Variants in CALB1 observed in about 807,000 individuals in gnomAD.
The protein encoded by CALB1 is calbindin.
CALB1 carries 16 observed loss-of-function variants against 46.7 expected under a neutral mutation model. The observed-to-expected ratio is 0.34, with a 90% CI of 0.23 to 0.52. The LOEUF is 0.52. CALB1 is among the 20% of genes least tolerant of loss of function. The probability of loss-of-function intolerance (pLI) is 0.95; values close to 1 mark genes in which losing one functional copy is unlikely to be tolerated. For synonymous variants in CALB1, 90 were observed against 112.8 expected, an observed-to-expected ratio of 0.80 and a Z score of 1.28; for missense variants, 224 against 300.3, an observed-to-expected ratio of 0.75 and a Z score of 1.88.
rs1312160832 is a variant in CALB1, at chr8:90,059,511, G to T, written c.*662C>A. The T allele has an allele frequency of 1.3e-5, 2 of 152,226 alleles. No homozygotes were observed. Among genetic ancestry groups the T allele is most frequent in the East Asian group, 3.8e-4 (2 of 5,196 alleles). 9.4% of individuals were successfully genotyped at this position (152,226 alleles called of 1,614,324 possible). ...ATATTCTCTGACAGTAAGTTTGTTG[G>T]AAATACAGGCATAGAATCAGACAGA... On this transcript the variant is annotated 3_prime_UTR_variant, in exon 11 of 11. Transcript: ENST00000265431.
chr8:90,072,025 A>G (rs1010358056), intron 3 of CALB1, among the ~76,000 whole-genome samples: 2 of 152,202 alleles, frequency 1.3e-5, no homozygotes, highest in South Asian at 2.1e-4. Context: ...AAAAACATCT[A>G]CTTAAAAGAA....
intron 5 of CALB1, among the ~76,000 whole-genome samples, chr8:90,066,946 AGTTCTGGGCT>A (rs372483141): frequency 2.8e-4 from 42 of 152,218 alleles, no homozygotes; most frequent in African/African-American, 9.4e-4. Flanking sequence ...TAAATGTTCC[AGTTCTGGGCT>A]GATTTGATGC....
intron 2 of CALB1, among the ~76,000 whole-genome samples, chr8:90,081,255 C>T (rs1814727029): frequency 6.6e-6 from 1 of 152,174 alleles, no homozygotes; most frequent in Non-Finnish European, 1.5e-5. Flanking sequence ...TCAATTGCTG[C>T]CCATCAGAGT....
At position 90,060,115 on chromosome 8, in the gene CALB1, G is replaced by A. The variant is rs1359247134; in HGVS notation, c.*58C>T. On this transcript the variant is annotated 3_prime_UTR_variant, in exon 11 of 11. Transcript: ENST00000265431. ...AGAAAATACAGCCTACTCCCTTATAGTGCACAGTTATTTTTTAGATACAGT... is the reference window on the plus strand; with the variant it reads ...AGAAAATACAGCCTACTCCCTTATAATGCACAGTTATTTTTTAGATACAGT... The A allele has an allele frequency of 1.9e-5, 18 of 958,442 alleles. No homozygotes were observed. Among genetic ancestry groups the A allele is most frequent in the South Asian group, 1.8e-4 (14 of 77,928 alleles). The allele number at this position is 958,442 out of a possible 1,614,324, so 59.4% of individuals were successfully genotyped here.
rs968458713 is a variant in CALB1, at chr8:90,059,788, T to C, written c.*385A>G. The C allele has an allele frequency of 4.7e-5, 8 of 171,080 alleles. No individual in the cohort carries two copies. Among genetic ancestry groups the C allele is most frequent in the Admixed American group, 2.4e-4 (4 of 16,816 alleles). 10.6% of individuals were successfully genotyped at this position (171,080 alleles called of 1,614,324 possible). Reference sequence around the variant, plus strand: ...TATGGTTGTCTAAAATAAGAATGTTTGGCTTGTTATACATAATTCCATTAT... The same window carrying C: ...TATGGTTGTCTAAAATAAGAATGTTCGGCTTGTTATACATAATTCCATTAT... On this transcript the variant is annotated 3_prime_UTR_variant, in exon 11 of 11. Transcript: ENST00000265431.
intron 5 of CALB1, among the ~76,000 whole-genome samples, chr8:90,067,293 C>T (rs746821086): frequency 3.3e-5 from 5 of 152,086 alleles, no homozygotes; most frequent in Admixed American, 2.0e-4. Context: ...AGAATGCCAA[C>T]TTATCTTCAA....
chr8:90,060,592 C>T (rs1351720961), intron 10 of CALB1, 37 bp downstream of exon 10: 4 of 1,530,920 alleles, frequency 2.6e-6, no homozygotes, highest in Admixed American at 3.4e-5. Flanking sequence ...TCCACAGAGT[C>T]TGCTTAAAGA....
intron 6 of CALB1, 134 bp from the exon 7 acceptor site, chr8:90,063,595 T>G (rs1814340737): frequency 1.5e-6 from 1 of 684,130 alleles, no homozygotes; most frequent in African/African-American, 1.8e-5. Context: ...AACTAGCATT[T>G]TTAAAACTTT....
At chr8:90,071,032 A>T (rs1249314153) in intron 3 of CALB1, among the ~76,000 whole-genome samples, 1 of 152,180 alleles carries the variant, frequency 6.6e-6, no homozygotes, top group East Asian at 1.9e-4. Context: ...TGAGGATGCT[A>T]AGGCCCAAAG....
At chr8:90,070,784 C>A (rs1410210628) in intron 3 of CALB1, among the ~76,000 whole-genome samples, 1 of 150,640 alleles carries the variant, frequency 6.6e-6, no homozygotes, top group East Asian at 1.9e-4. Context: ...TGTGCCAGTG[C>A]TTTTAAAAAA....
rs765836290 is a variant in CALB1, at chr8:90,069,229, G to A, written c.240C>T (p.His80=). The change falls in exon 4 of 11, where the codon CAC becomes CAT. Residue 80 remains histidine, a synonymous_variant. Coordinates refer to ENST00000265431, the MANE Select transcript of CALB1 (RefSeq NM_004929.4). The part of the protein sequence containing the change: ...DGKIGIVELA[H]VLPTEENFLL... ...GGAAATTCTCTTCTGTGGGTAATAC[G>A]TGAGCCAACTGGAAAAGATTTAAGA... The A allele has an allele frequency of 1.3e-5, 21 of 1,612,936 alleles. No individual in the cohort carries two copies. The highest frequency in any genetic ancestry group is 2.2e-5 in the East Asian group (1 of 44,868).
At position 90,059,693 on chromosome 8, in the gene CALB1, A is replaced by G. The variant is rs1255493062; in HGVS notation, c.*480T>C. 6.5e-6 allele frequency: 1 copy of G among 153,718 alleles called. No homozygotes were observed. Among genetic ancestry groups the G allele is most frequent in the African/African-American group, 2.4e-5 (1 of 41,476 alleles). 9.5% of individuals were successfully genotyped at this position (153,718 alleles called of 1,614,324 possible). A position where few individuals can be genotyped will look rare whatever the true frequency, so the allele number is the denominator to read the frequency against. On this transcript the variant is annotated 3_prime_UTR_variant, in exon 11 of 11. Coordinates refer to ENST00000265431, the MANE Select transcript of CALB1 (RefSeq NM_004929.4). ...CACAATTAACTATATTTTGGTGAGTATTTTAGATGGAAAAGCACATTCCTC... is the reference window on the plus strand; with the variant it reads ...CACAATTAACTATATTTTGGTGAGTGTTTTAGATGGAAAAGCACATTCCTC...
At chr8:90,065,410 AAAG>A (rs1040091137) in intron 6 of CALB1, among the ~76,000 whole-genome samples, 4 of 151,810 alleles carry the variant, frequency 2.6e-5, no homozygotes, top group Admixed American at 1.3e-4. Flanking sequence ...AAATCAAAAG[AAAG>A]AAGGAGACCC....
intron 3 of CALB1, among the ~76,000 whole-genome samples, chr8:90,072,772 T>G (rs1814555561): frequency 6.6e-6 from 1 of 152,234 alleles, no homozygotes; most frequent in Non-Finnish European, 1.5e-5. Context: ...AAGTCACTGC[T>G]GTTTATAGAA....
chr8:90,079,802 T>A (rs567593543), intron 2 of CALB1, among the ~76,000 whole-genome samples: 1 of 152,118 alleles, frequency 6.6e-6, no homozygotes, highest in Admixed American at 6.5e-5. Flanking sequence ...TTATATTTAA[T>A]TAATGTTATA....
Position 90,082,821 on chromosome 8 carries a change from G to A in CALB1, c.-124C>T, listed in dbSNP as rs938458907. ...TGCGGAGGGAGACCTGGGCGCGGGC[G>A]CTGCCGGGCGCTGTCCTCGGTGCTG... On this transcript the variant is annotated 5_prime_UTR_variant, in exon 1 of 11. Coordinates refer to ENST00000265431, the MANE Select transcript of CALB1 (RefSeq NM_004929.4). 3.5e-5 allele frequency: 29 copies of A among 829,156 alleles called. No individual in the cohort carries two copies. The African/African-American group carries it at 4.2e-4, about 12-fold the overall frequency. 51.4% of individuals were successfully genotyped at this position (829,156 alleles called of 1,614,324 possible).
chr8:90,079,765 G>C (rs563608999), intron 2 of CALB1, among the ~76,000 whole-genome samples: 3 of 152,038 alleles, frequency 2.0e-5, no homozygotes, highest in East Asian at 3.9e-4. Context: ...AGTGTAAAAG[G>C]ATAGTTTCTG....
chr8:90,082,715 G>A lies in CALB1; in HGVS notation c.-18C>T, dbSNP rs1814755286. Reference sequence around the variant, plus strand: ...TCTGCCATTGTACAGCGGGGTGTGTGTCTGGGTGTGTGAATATGCGTGTGT... The same window carrying A: ...TCTGCCATTGTACAGCGGGGTGTGTATCTGGGTGTGTGAATATGCGTGTGT... On this transcript the variant is annotated 5_prime_UTR_variant, in exon 1 of 11. Coordinates refer to ENST00000265431, the MANE Select transcript of CALB1 (RefSeq NM_004929.4). 1.2e-6 allele frequency: 2 copies of A among 1,609,046 alleles called. No homozygotes were observed. The highest frequency in any genetic ancestry group is 1.7e-6 in the Non-Finnish European group (2 of 1,175,310).
chr8:90,080,872 A>G (rs529644504), intron 2 of CALB1, among the ~76,000 whole-genome samples: 9 of 152,250 alleles, frequency 5.9e-5, no homozygotes, highest in African/African-American at 2.2e-4. Flanking sequence ...TAAATTTTAT[A>G]TATATCACTC....
Sources: allele counts gnomAD v4.1 joint callset (sites outside exome capture counted in the v4.1 genomes callset), GRCh38; gene constraint gnomAD v4.1.1; transcripts MANE v1.5; gene names NCBI Gene and HGNC (gene_info 2026-07-23, HGNC 2026-07-21).